PHTF2: variants seen among roughly 807,000 people sequenced by gnomAD.
PHTF2 encodes putative homeodomain transcription factor 2, also known as protein PHTF2.
In PHTF2, 60 loss-of-function variants were observed where a neutral mutation model predicts 101.2. The observed-to-expected ratio is 0.59, with a 90% confidence interval of 0.48 to 0.73. The LOEUF (loss-of-function observed/expected upper bound fraction) is 0.73. Ranked by LOEUF, PHTF2 falls within the 30% of genes least tolerant of loss-of-function variation. PHTF2 has a pLI of 0.00. For missense variants in PHTF2, 747 were observed against 908.7 expected (o/e 0.82, Z 2.29); for synonymous variants, 311 against 307.3 (o/e 1.01, Z -0.13).
chr7:77,838,517 A>T (rs936332682), intron 1 of PHTF2, among the ~76,000 whole-genome samples: 1 of 152,168 alleles, frequency 6.6e-6, no homozygotes, highest in African/African-American at 2.4e-5. Flanking sequence ...AGATTGGGGA[A>T]TTTTTTATAT....
At chr7:77,815,321 G>T (rs918042264) in intron 1 of PHTF2, among the ~76,000 whole-genome samples, 1 of 152,074 alleles carries the variant, frequency 6.6e-6, no homozygotes, top group East Asian at 1.9e-4. Flanking sequence ...CAAGCAGGCA[G>T]ATTTGCATAC....
chr7:77,861,707 GA>G (rs1018955869), intron 3 of PHTF2, among the ~76,000 whole-genome samples: 5 of 152,198 alleles, frequency 3.3e-5, no homozygotes, highest in African/African-American at 1.2e-4. Flanking sequence ...CAGATCACTT[GA>G]GGCCGGAAGT....
chr7:77,831,418 G>A (rs912731215), intron 1 of PHTF2, among the ~76,000 whole-genome samples: 3 of 152,304 alleles, frequency 2.0e-5, no homozygotes, highest in Admixed American at 6.5e-5. Flanking sequence ...TTTTAGGAGA[G>A]GCTGCAGTTC....
intron 9 of PHTF2, among the ~76,000 whole-genome samples, chr7:77,914,944 G>T (rs902827395): frequency 6.6e-6 from 1 of 151,884 alleles, no homozygotes; most frequent in African/African-American, 2.4e-5. Context: ...ATGGAGTCTC[G>T]CTCTGTTGCC....
Position 77,942,737 on chromosome 7 carries a change from C to A in PHTF2, c.1910C>A (p.Ser637Ter). The stretch of plus-strand genomic sequence containing the variant: ...CAGCGATCAGTTGATGTAATAGTTT[C>A]ATCTGCTTTCTTATTGACTATCTCA... The change falls in exon 16 of 20, where the codon TCA becomes TAA. Residue 637 changes from serine (S) to a stop codon, truncating the protein, a stop_gained. Transcript: ENST00000416283. LOFTEE classifies it high-confidence loss of function. The A allele has an allele frequency of 2.5e-6, 4 of 1,603,200 alleles. No homozygotes were observed. The highest frequency in any genetic ancestry group is 3.4e-6 in the Non-Finnish European group (4 of 1,173,828).
At position 77,892,244 on chromosome 7, in the gene PHTF2, T is replaced by C. The variant is rs1800499152; in HGVS notation, c.148-1364T>C. ...GGCGGAGGTTGCAGTGAGCCGAGAT[T>C]GCACCACTGTACTCCAGCCTGGGCA... On this transcript the variant is annotated intron_variant, in intron 3 of 19. Transcript: ENST00000416283. Among the ~76,000 whole-genome samples the C allele has an allele frequency of 2.0e-5, 3 of 152,130 alleles. No homozygotes were observed. The South Asian group carries it at 6.2e-4, about 32-fold the overall frequency.
chr7:77,874,443 C>G (rs1798767803), intron 3 of PHTF2, among the ~76,000 whole-genome samples: 1 of 152,074 alleles, frequency 6.6e-6, no homozygotes, highest in Non-Finnish European at 1.5e-5. Context: ...CTCATGATTA[C>G]AAGGTCTCAC....
At chr7:77,864,890 T>C (rs902087386) in intron 3 of PHTF2, among the ~76,000 whole-genome samples, 1 of 152,214 alleles carries the variant, frequency 6.6e-6, no homozygotes, top group Non-Finnish European at 1.5e-5. Flanking sequence ...ATTATCATTA[T>C]GAACTTATGG....
intron 11 of PHTF2, among the ~76,000 whole-genome samples, chr7:77,925,481 C>G (rs1161058239): frequency 8.1e-6 from 1 of 123,266 alleles, no homozygotes; most frequent in Non-Finnish European, 1.6e-5. Context: ...CAATTATAGG[C>G]AATAGTTTTT....
intron 2 of PHTF2, among the ~76,000 whole-genome samples, chr7:77,841,769 T>A (rs1404233263): frequency 4.6e-5 from 7 of 152,198 alleles, no homozygotes; most frequent in Admixed American, 4.6e-4. Context: ...CTTTTAAACT[T>A]CCAATCAAGT....
intron 1 of PHTF2, among the ~76,000 whole-genome samples, chr7:77,807,080 C>G (rs1793052099): frequency 6.6e-6 from 1 of 152,026 alleles, no homozygotes; most frequent in Non-Finnish European, 1.5e-5. Flanking sequence ...TAGATTTGCC[C>G]CTTTTAAGGT....
At chr7:77,928,338 TACTTA>T (rs751215344) in intron 11 of PHTF2, among the ~76,000 whole-genome samples, 1 of 151,834 alleles carries the variant, frequency 6.6e-6, no homozygotes, top group Admixed American at 6.6e-5. Context: ...GATTAGAAAT[TACTTA>T]ACTTGTTTTA....
chr7:77,848,447 C>G (rs1796481263), intron 2 of PHTF2, among the ~76,000 whole-genome samples: 1 of 152,166 alleles, frequency 6.6e-6, no homozygotes, highest in Admixed American at 6.5e-5. Context: ...ATTTGCATTT[C>G]TCTGATGATC....
At chr7:77,875,767 CG>C (rs34697052) in intron 3 of PHTF2, among the ~76,000 whole-genome samples, 1 of 151,946 alleles carries the variant, frequency 6.6e-6, no homozygotes, top group Non-Finnish European at 1.5e-5. Flanking sequence ...GTGCGTTAGC[CG>C]GGATGGTCTT....
At chr7:77,943,536 G>A (rs1178063482) in intron 16 of PHTF2, among the ~76,000 whole-genome samples, 1 of 152,222 alleles carries the variant, frequency 6.6e-6, no homozygotes, top group East Asian at 1.9e-4. Flanking sequence ...AGTATCTCAG[G>A]ATATGCACTG....
intron 1 of PHTF2, among the ~76,000 whole-genome samples, chr7:77,825,811 C>T (rs1282950970): frequency 2.0e-5 from 3 of 151,604 alleles, no homozygotes; most frequent in Admixed American, 6.6e-5. Flanking sequence ...CTGTATTAAA[C>T]GTGATAAAAA....
chr7:77,851,109 A>G (rs1796724848), intron 2 of PHTF2, among the ~76,000 whole-genome samples: 1 of 152,174 alleles, frequency 6.6e-6, no homozygotes, highest in Non-Finnish European at 1.5e-5. Context: ...GTATCAGAGT[A>G]ATACTGGCCT....
At chr7:77,951,668 A>G in exon 18 of PHTF2, 1 of 1,486,096 alleles carries the variant, frequency 6.7e-7, no homozygotes, top group Non-Finnish European at 9.1e-7. Flanking sequence ...GGAGGAACTG[A>G]CACTAGTGAA....
intron 3 of PHTF2, chr7:77,854,856 C>T: frequency 2.7e-6 from 2 of 753,172 alleles, no homozygotes; most frequent in East Asian, 2.5e-5. Context: ...CAGGCCTGTT[C>T]TCTCTGTTCA....
Sources: allele counts gnomAD v4.1 joint callset (sites outside exome capture counted in the v4.1 genomes callset), GRCh38; gene constraint gnomAD v4.1.1; transcripts MANE v1.5; gene names NCBI Gene and HGNC (gene_info 2026-07-23, HGNC 2026-07-21).